Variants in IL1RAPL1 observed in about 807,000 individuals in gnomAD.
IL1RAPL1 encodes interleukin 1 receptor accessory protein like 1.
IL1RAPL1 carries 3 observed loss-of-function variants against 48.4 expected under a neutral mutation model. The observed-to-expected ratio is 0.06, with a 90% CI of 0.03 to 0.16. The LOEUF is 0.16. Among genes scored for constraint, IL1RAPL1 ranks in the 10% least tolerant of loss-of-function variants. The pLI, the probability that IL1RAPL1 is intolerant of heterozygous loss-of-function variation, is 1.00. For synonymous variants in IL1RAPL1, 185 were observed against 187.7 expected (o/e 0.99, Z 0.12); for missense variants, 349 against 530.6 (o/e 0.66, Z 3.36).
At chrX:29,568,359 ATAAT>A (rs1255679002) in intron 5 of IL1RAPL1, among the ~76,000 whole-genome samples, 3 of 108,708 alleles carry the variant, frequency 2.8e-5, no homozygotes, top group East Asian at 2.9e-4. Context: ...TATGTACTAG[ATAAT>A]TAATTCAGTT....
chrX:29,049,871 A>G (rs746481202), intron 2 of IL1RAPL1, among the ~76,000 whole-genome samples: 1 of 112,684 alleles, frequency 8.9e-6, no homozygotes, highest in South Asian at 3.7e-4. Flanking sequence ...ACTGTGGTAC[A>G]TTCGTTAAAA....
chrX:29,782,921 T>TTTTTTTTTTC (rs1297300281), intron 6 of IL1RAPL1, among the ~76,000 whole-genome samples: 2 of 80,818 alleles, frequency 2.5e-5, no homozygotes, highest in African/African-American at 1.2e-4. Context: ...TTTTTTTTTT[T>TTTTTTTTTTC]TGAGACGGAG....
chrX:29,724,824 C>T (rs1028940882), intron 6 of IL1RAPL1, among the ~76,000 whole-genome samples: 6 of 111,934 alleles, frequency 5.4e-5, no homozygotes, highest in East Asian at 5.6e-4. Context: ...TCTATCCTGA[C>T]GCCTTATATA....
At chrX:28,772,083 A>G (rs1936316424) in intron 1 of IL1RAPL1, among the ~76,000 whole-genome samples, 1 of 111,486 alleles carries the variant, frequency 9.0e-6, no homozygotes, top group Admixed American at 9.5e-5. Context: ...ATGGATTAAG[A>G]GCGCTTTCTA....
At chrX:28,638,816 T>C (rs773524424) in intron 1 of IL1RAPL1, among the ~76,000 whole-genome samples, 4 of 111,375 alleles carry the variant, frequency 3.6e-5, no homozygotes, top group Non-Finnish European at 7.5e-5. Flanking sequence ...GTAAAAATCT[T>C]GTTTATCTAA....
intron 1 of IL1RAPL1, among the ~76,000 whole-genome samples, chrX:28,768,786 C>CACTA (rs1343186206): frequency 1.5e-5 from 1 of 64,642 alleles, no homozygotes; most frequent in Non-Finnish European, 2.9e-5. Context: ...TATACACACA[C>CACTA]TATATATATA....
chrX:29,676,483 C>G (rs1926288124), intron 6 of IL1RAPL1, among the ~76,000 whole-genome samples: 1 of 111,304 alleles, frequency 9.0e-6, no homozygotes, highest in Admixed American at 9.6e-5. Context: ...AATATGCATA[C>G]TAAATTTTTG....
intron 2 of IL1RAPL1, among the ~76,000 whole-genome samples, chrX:28,932,754 GAA>G (rs34556850): frequency 2.9e-5 from 3 of 102,430 alleles, no homozygotes; most frequent in Admixed American, 1.1e-4. Flanking sequence ...AGGTAAAGTA[GAA>G]AAAAAAAATC....
intron 6 of IL1RAPL1, among the ~76,000 whole-genome samples, chrX:29,747,139 T>C (rs1247211658): frequency 8.9e-6 from 1 of 111,759 alleles, no homozygotes; most frequent in African/African-American, 3.3e-5. Flanking sequence ...AAGCACATAA[T>C]ATTGGCTTTA....
rs191175369 is a variant in IL1RAPL1 at position 29,670,097 on chromosome X, A to G, written c.778+1593A>G. On this transcript the variant is annotated intron_variant, in intron 6 of 10. Transcript: ENST00000378993. ...GCCTTTGCTTGACAATATAATGAAA[A>G]GAATTTTATGGTTGATTGTTGCCCA... 1.6e-4 allele frequency among the ~76,000 whole-genome samples: 18 copies of G among 111,619 alleles called. No individual in the cohort carries two copies. The East Asian group carries it at 5.1e-3, about 31-fold the overall frequency.
intron 6 of IL1RAPL1, among the ~76,000 whole-genome samples, chrX:29,837,258 C>CAAAA (rs34032700): frequency 0.014 from 413 of 29,917 alleles, 18 homozygotes; most frequent in East Asian, 0.13. Context: ...GACTGCATCT[C>CAAAA]AAAAAAAAAA....
Position 29,414,034 on chromosome X carries a change from G to A in IL1RAPL1, c.703+14726G>A, listed in dbSNP as rs1255313405. 8.2e-5 allele frequency among the ~76,000 whole-genome samples: 9 copies of A among 109,660 alleles called. No individual in the cohort carries two copies. The Admixed American group carries it at 8.8e-4, about 11-fold the overall frequency. On this transcript the variant is annotated intron_variant, in intron 5 of 10. Coordinates refer to ENST00000378993, the MANE Select transcript of IL1RAPL1 (RefSeq NM_014271.4). The stretch of plus-strand genomic sequence containing the variant: ...GGAACATTTTTCTATACTTTTTTTT[G>A]CAATAATATTATTTTCTATTTTACA...
chrX:29,609,251 C>A (rs150989555), intron 5 of IL1RAPL1, among the ~76,000 whole-genome samples: 8,853 of 111,753 alleles, frequency 0.079, 356 homozygotes, highest in Middle Eastern at 0.17. Context: ...CTTATAATGG[C>A]CTATCCCGGA....
Position 29,468,996 on chromosome X carries a change from C to T in IL1RAPL1, c.703+69688C>T, listed in dbSNP as rs193199529. Among the ~76,000 whole-genome samples, 880 of 111,223 alleles carry T rather than the reference C, an allele frequency of 7.9e-3. 12 individuals are homozygous for T. The highest frequency in any genetic ancestry group is 0.027 in the African/African-American group (835 of 30,608). ...TCTTCACAAAAACTTGGGGGGAGTC[C>T]GTGAAAAAAATAACGGGAAGTCTGT... On this transcript the variant is annotated intron_variant, in intron 5 of 10. Transcript: ENST00000378993.
At position 29,814,266 on chromosome X, in the gene IL1RAPL1, A is replaced by G. The variant is rs188343452; in HGVS notation, c.779-103198A>G. On this transcript the variant is annotated intron_variant, in intron 6 of 10. Transcript: ENST00000378993. Reference sequence around the variant, plus strand: ...TTACCTTTTGTTTTTTGACTTTTTAATAAAGCCAATCTGACTGGTGTGAAG... The same window carrying G: ...TTACCTTTTGTTTTTTGACTTTTTAGTAAAGCCAATCTGACTGGTGTGAAG... Among the ~76,000 whole-genome samples, 15 of 111,571 alleles carry G rather than the reference A, an allele frequency of 1.3e-4. No individual in the cohort carries two copies. The East Asian group carries it at 4.2e-3, about 31-fold the overall frequency.
At position 29,367,560 on chromosome X, in the gene IL1RAPL1, A is replaced by T. The variant is rs1424670584; in HGVS notation, c.363-28698A>T. Among the ~76,000 whole-genome samples the T allele has an allele frequency of 4.9e-4, 49 of 100,253 alleles. No homozygotes were observed. In the South Asian group the frequency reaches 0.021, roughly 43 times the overall value. The allele number at this position is 100,253 out of a possible 115,157, so 87.1% of individuals were successfully genotyped here. On this transcript the variant is annotated intron_variant, in intron 3 of 10. Transcript: ENST00000378993. ...AAAGGGCTTCTATTTATTTTTATTT[A>T]TTTATTTATTTATTTATTTATTTAT...
intron 6 of IL1RAPL1, among the ~76,000 whole-genome samples, chrX:29,690,017 G>T (rs750339938): frequency 1.8e-5 from 2 of 111,697 alleles, no homozygotes; most frequent in Non-Finnish European, 3.8e-5. Context: ...AAAAGTAATA[G>T]AGTAGGATTT....
intron 5 of IL1RAPL1, among the ~76,000 whole-genome samples, chrX:29,460,552 C>G (rs1934791150): frequency 8.9e-6 from 1 of 112,360 alleles, no homozygotes; most frequent in South Asian, 3.6e-4. Flanking sequence ...ATTTGCCATA[C>G]TTCAGCTTTT....
intron 2 of IL1RAPL1, among the ~76,000 whole-genome samples, chrX:29,141,722 A>T (rs1247227611): frequency 8.9e-6 from 1 of 111,739 alleles, no homozygotes; most frequent in Non-Finnish European, 1.9e-5. Context: ...TGTATTTATT[A>T]CTCTAGGGTT....
Sources: allele counts gnomAD v4.1 joint callset (sites outside exome capture counted in the v4.1 genomes callset), GRCh38; gene constraint gnomAD v4.1.1; transcripts MANE v1.5; gene names NCBI Gene and HGNC (gene_info 2026-07-23, HGNC 2026-07-21).